The following SDK1 variants were observed in gnomAD, a reference collection of about 807,000 sequenced individuals.
SDK1 encodes the protein sidekick cell adhesion molecule 1.
In SDK1, 157 loss-of-function variants were observed where a neutral mutation model predicts 245.5. The ratio of observed to expected loss-of-function variants is 0.64; its 90% CI spans 0.56 to 0.73. The LOEUF (loss-of-function observed/expected upper bound fraction) is 0.73. Among genes scored for constraint, SDK1 ranks in the 30% least tolerant of loss-of-function variants. The pLI is 0.00. For synonymous variants in SDK1, 1,647 were observed against 1,278.5 expected (o/e 1.29, Z -6.15); for missense variants, 3,583 against 3,002.3 (o/e 1.19, Z -4.52).
At chr7:3,530,151 G>C (rs1783293746) in intron 1 of SDK1, among the ~76,000 whole-genome samples, 1 of 152,088 alleles carries the variant, frequency 6.6e-6, no homozygotes, top group African/African-American at 2.4e-5. Flanking sequence ...TACATAAAAA[G>C]GACCCATTAT....
rs541099256 is a variant in SDK1, at chr7:4,208,374, C to T, written c.5401+89C>T. The T allele has an allele frequency of 4.1e-4, 512 of 1,246,492 alleles. 9 individuals carry two copies. In the South Asian group the frequency reaches 5.7e-3, roughly 14 times the overall value. 77.2% of individuals were successfully genotyped at this position (1,246,492 alleles called of 1,614,324 possible). A position where few individuals can be genotyped will look rare whatever the true frequency, so the allele number is the denominator to read the frequency against. ...TCAGGTCCCCTCACACAGTGGTTCC[C>T]GGCCCGCCCAGGCGGAAGGCAACAC... On this transcript the variant is annotated intron_variant, in intron 37 of 44. Coordinates refer to ENST00000404826, the MANE Select transcript of SDK1 (RefSeq NM_152744.4).
intron 1 of SDK1, among the ~76,000 whole-genome samples, chr7:3,308,624 T>C (rs1038290511): frequency 6.6e-6 from 1 of 152,148 alleles, no homozygotes; most frequent in South Asian, 2.1e-4. Context: ...GTTTCTGCAG[T>C]GTTTTTGGCT....
chr7:4,142,709 C>T (rs934204961), intron 28 of SDK1, among the ~76,000 whole-genome samples: 1 of 152,184 alleles, frequency 6.6e-6, no homozygotes, highest in African/African-American at 2.4e-5. Context: ...GTGATCCACC[C>T]TCCTTGGCCT....
At chr7:3,834,537 G>T (rs1779987639) in intron 5 of SDK1, among the ~76,000 whole-genome samples, 1 of 152,204 alleles carries the variant, frequency 6.6e-6, no homozygotes, top group Non-Finnish European at 1.5e-5. Context: ...CACCAGCAGT[G>T]AGATGATTAG....
chr7:3,480,019 T>A (rs1200645796), intron 1 of SDK1, among the ~76,000 whole-genome samples: 1 of 152,166 alleles, frequency 6.6e-6, no homozygotes, highest in Non-Finnish European at 1.5e-5. Context: ...AGTAAAGATG[T>A]CTACATCCCA....
chr7:3,309,553 A>T (rs12700786), intron 1 of SDK1, among the ~76,000 whole-genome samples: 1 of 131,644 alleles, frequency 7.6e-6, no homozygotes, highest in African/African-American at 2.7e-5. Context: ...ACATGAGTGT[A>T]TAAACTGTTC....
chr7:3,659,100 T>C (rs1783277284), intron 4 of SDK1, among the ~76,000 whole-genome samples: 1 of 152,244 alleles, frequency 6.6e-6, no homozygotes, highest in Non-Finnish European at 1.5e-5. Flanking sequence ...AAATAGCCTT[T>C]ACCCAGTTGT....
intron 2 of SDK1, among the ~76,000 whole-genome samples, chr7:3,635,872 A>G (rs1279333363): frequency 1.3e-5 from 2 of 151,966 alleles, no homozygotes; most frequent in South Asian, 2.1e-4. Context: ...CACTTGGCTA[A>G]TTTTTGTATT....
intron 1 of SDK1, among the ~76,000 whole-genome samples, chr7:3,340,136 T>G (rs1415490761): frequency 6.6e-6 from 1 of 151,900 alleles, no homozygotes; most frequent in African/African-American, 2.4e-5. Flanking sequence ...TTAGTTTTTC[T>G]CAAAAACTAA....
At chr7:3,343,462 A>C (rs534201472) in intron 1 of SDK1, among the ~76,000 whole-genome samples, 1 of 152,334 alleles carries the variant, frequency 6.6e-6, no homozygotes, top group South Asian at 2.1e-4. Flanking sequence ...AAATTCTAGA[A>C]CTGGATTAGT....
At chr7:4,072,164 G>T (rs977332640) in intron 20 of SDK1, among the ~76,000 whole-genome samples, 1 of 152,206 alleles carries the variant, frequency 6.6e-6, no homozygotes, top group African/African-American at 2.4e-5. Flanking sequence ...GCAGTCTGTT[G>T]TTTATGGTGG....
At chr7:3,845,764 C>A (rs948028706) in intron 5 of SDK1, among the ~76,000 whole-genome samples, 7 of 151,304 alleles carry the variant, frequency 4.6e-5, no homozygotes, top group Admixed American at 4.6e-4. Flanking sequence ...TTATTTAACA[C>A]TGAACAGGTT....
chr7:3,485,209 A>G (rs1051760353), intron 1 of SDK1, among the ~76,000 whole-genome samples: 1 of 152,162 alleles, frequency 6.6e-6, no homozygotes, highest in African/African-American at 2.4e-5. Context: ...CTGGGGTGAG[A>G]TGAAATCTCA....
chr7:3,742,153 C>A (rs532713199), intron 4 of SDK1, among the ~76,000 whole-genome samples: 1 of 150,908 alleles, frequency 6.6e-6, no homozygotes, highest in East Asian at 1.9e-4. Flanking sequence ...TTTTTTACCC[C>A]CATTTCTTTG....
At chr7:4,116,105 C>T (rs1783690115) in intron 25 of SDK1, among the ~76,000 whole-genome samples, 1 of 152,086 alleles carries the variant, frequency 6.6e-6, no homozygotes, top group Non-Finnish European at 1.5e-5. Context: ...CCTGGCCTGT[C>T]TGCTCTAAAG....
chr7:4,065,715 TTTTTTTTTTTTTTTG>T (rs1562755614), intron 19 of SDK1, among the ~76,000 whole-genome samples: 10 of 140,698 alleles, frequency 7.1e-5, no homozygotes, highest in African/African-American at 1.6e-4. Context: ...TTTTTTTTTT[TTTTTTTTTTTTTTTG>T]AGGCTGTTAC....
At chr7:3,358,585 A>T (rs900299155) in intron 1 of SDK1, among the ~76,000 whole-genome samples, 1 of 152,164 alleles carries the variant, frequency 6.6e-6, no homozygotes, top group Non-Finnish European at 1.5e-5. Context: ...GACTCAAAAA[A>T]TTTTTCTGTA....
At chr7:3,515,534 G>A (rs1337948953) in intron 1 of SDK1, among the ~76,000 whole-genome samples, 2 of 152,014 alleles carry the variant, frequency 1.3e-5, no homozygotes, top group Non-Finnish European at 2.9e-5. Flanking sequence ...TATGCTTACA[G>A]TTGTATTTGT....
chr7:3,608,736 G>A (rs1202230), intron 1 of SDK1, among the ~76,000 whole-genome samples: 141,623 of 152,322 alleles, frequency 0.93, 65,915 homozygotes, highest in South Asian at 0.97. Context: ...AGGACAGTCT[G>A]AAAGATGTTA....
Sources: gnomAD v4.1 joint callset for allele counts (sites outside exome capture counted in the v4.1 genomes callset) on GRCh38, gnomAD v4.1.1 for gene constraint, MANE v1.5 for transcripts, NCBI Gene and HGNC (gene_info 2026-07-23, HGNC 2026-07-21) for gene names.